Variants in NRDC observed in about 807,000 individuals in gnomAD.
NRDC encodes the protein nardilysin.
A neutral mutation model predicts 147.1 loss-of-function variants in NRDC; 54 were observed. That is an observed-to-expected ratio of 0.37 (90% CI 0.29 to 0.46). The LOEUF (loss-of-function observed/expected upper bound fraction) is 0.46. NRDC is among the 20% of genes least tolerant of loss of function. The pLI is 1.00. For missense variants in NRDC, 1,082 were observed against 1,370.6 expected (o/e 0.79, Z 3.33); for synonymous variants, 440 against 482.1 (o/e 0.91, Z 1.14).
rs1680142955 is a variant in NRDC at position 51,820,012 on chromosome 1, A to T, written c.1218-139T>A. 5 of 643,884 alleles carry T rather than the reference A, an allele frequency of 7.8e-6. No individual in the cohort carries two copies. In the East Asian group the frequency reaches 1.4e-4, roughly 18 times the overall value. 39.9% of individuals were successfully genotyped at this position (643,884 alleles called of 1,614,324 possible). On this transcript the variant is annotated intron_variant, in intron 8 of 30. Transcript: ENST00000352171. ...GAAAGCATTCCAGGCATGAACAAAT[A>T]GATGGCAACACAGCCACAAAATCTT...
At position 51,871,007 on chromosome 1, in the gene NRDC, A is replaced by G. The variant is rs115309143; in HGVS notation, c.341+7268T>C. 7.8e-3 allele frequency among the ~76,000 whole-genome samples: 1,181 copies of G among 152,046 alleles called. 15 individuals carry two copies. Among genetic ancestry groups the G allele is most frequent in the African/African-American group, 0.027 (1,137 of 41,454 alleles). On this transcript the variant is annotated intron_variant, in intron 1 of 30. Transcript: ENST00000352171. The stretch of plus-strand genomic sequence containing the variant: ...TCCCCTTTAAAACCAAACAATGTGT[A>G]CCTCATCATTCAAAATTTCTCACTC...
At chr1:51,789,867 AAG>A (rs1157990788) in intron 29 of NRDC, 13 of 574,060 alleles carry the variant, frequency 2.3e-5, no homozygotes, top group Non-Finnish European at 4.1e-5. Context: ...CTACAATGGC[AAG>A]AGAGGTTAGC....
chr1:51,802,929 G>C (rs1251558928), intron 20 of NRDC, among the ~76,000 whole-genome samples: 1 of 152,044 alleles, frequency 6.6e-6, no homozygotes, highest in Non-Finnish European at 1.5e-5. Flanking sequence ...CTGGTATTCA[G>C]TAATCTAACT....
At chr1:51,797,520 C>G (rs1448745083) in intron 22 of NRDC, among the ~76,000 whole-genome samples, 1 of 152,158 alleles carries the variant, frequency 6.6e-6, no homozygotes, top group African/African-American at 2.4e-5. Flanking sequence ...GGATAAAGCC[C>G]AGCACCTTAG....
At position 51,794,416 on chromosome 1, in the gene NRDC, G is replaced by A. The variant is rs1169286102; in HGVS notation, c.2775+56C>T. 4 of 1,571,918 alleles carry A rather than the reference G, an allele frequency of 2.5e-6. No homozygotes were observed. The Admixed American group carries it at 5.1e-5, about 20-fold the overall frequency. The stretch of plus-strand genomic sequence containing the variant: ...TATAAAAGGGCCTTGAAGGTCACGG[G>A]GTCCCTGATCCCCAGGCACTGGGCC... On this transcript the variant is annotated intron_variant, in intron 24 of 30. Coordinates refer to ENST00000352171, the MANE Select transcript of NRDC (RefSeq NM_001101662.2).
intron 10 of NRDC, among the ~76,000 whole-genome samples, chr1:51,817,742 G>A (rs370500097): frequency 2.6e-4 from 40 of 152,214 alleles, no homozygotes; most frequent in East Asian, 1.2e-3. Context: ...ACAGGGTTTC[G>A]CTATGTTGGC....
chr1:51,805,643 A>AT (rs1028308242), intron 18 of NRDC, 82 bp from the exon 19 acceptor site: 3 of 806,754 alleles, frequency 3.7e-6, no homozygotes, highest in Admixed American at 3.0e-5. Flanking sequence ...TAATATATAT[A>AT]TTTTTTAAAT....
At chr1:51,815,504 A>G (rs1322965158) in intron 11 of NRDC, among the ~76,000 whole-genome samples, 2 of 152,208 alleles carry the variant, frequency 1.3e-5, no homozygotes, top group East Asian at 1.9e-4. Context: ...AAGAGAGGAC[A>G]CCAGAATAGA....
intron 10 of NRDC, among the ~76,000 whole-genome samples, chr1:51,817,779 CTTTATT>C (rs938316888): frequency 1.3e-5 from 2 of 152,162 alleles, no homozygotes; most frequent in African/African-American, 4.8e-5. Flanking sequence ...AATTATTTAA[CTTTATT>C]TTTGACAAGA....
chr1:51,814,835 AC>A (rs1679884862), intron 11 of NRDC, 22 bp from the exon 12 acceptor site: 1 of 1,553,716 alleles, frequency 6.4e-7, no homozygotes, highest in Admixed American at 2.1e-5. Context: ...GAAAAAATTA[AC>A]CCAATCAATG....
At chr1:51,821,129 C>CA (rs1680190354) in intron 8 of NRDC, among the ~76,000 whole-genome samples, 4 of 151,978 alleles carry the variant, frequency 2.6e-5, no homozygotes, top group African/African-American at 9.7e-5. Flanking sequence ...TTAAAAAAAA[C>CA]AAATTTTCAG....
intron 20 of NRDC, chr1:51,800,943 CT>C: frequency 3.1e-6 from 1 of 319,518 alleles, no homozygotes; most frequent in Non-Finnish European, 5.8e-6. Context: ...TGCCTAGGCT[CT>C]AGCCATACTC....
At chr1:51,792,842 C>T (rs897804063) in intron 24 of NRDC, among the ~76,000 whole-genome samples, 2 of 152,216 alleles carry the variant, frequency 1.3e-5, no homozygotes, top group African/African-American at 4.8e-5. Flanking sequence ...CAACAAGAAC[C>T]AGTGCCACAT....
chr1:51,825,471 G>T (rs986887298), intron 5 of NRDC, 89 bp from the exon 6 acceptor site: 4 of 1,008,552 alleles, frequency 4.0e-6, no homozygotes, highest in Non-Finnish European at 4.4e-6. Context: ...AGAAAGCAAG[G>T]AATTAACAAA....
intron 11 of NRDC, among the ~76,000 whole-genome samples, chr1:51,815,175 TTTTTTTC>T (rs942931066): frequency 4.0e-4 from 13 of 32,856 alleles, no homozygotes; most frequent in African/African-American, 9.2e-4. Flanking sequence ...TTTGCTTACC[TTTTTTTC>T]TTTTTTTTTT....
At chr1:51,803,331 T>C (rs1679294304) in intron 20 of NRDC, among the ~76,000 whole-genome samples, 1 of 152,064 alleles carries the variant, frequency 6.6e-6, no homozygotes, top group South Asian at 2.1e-4. Flanking sequence ...AAAAATTAGC[T>C]GGGTGTGGTG....
chr1:51,810,553 C>A (rs569041152), intron 15 of NRDC, 149 bp from the exon 16 acceptor site: 2 of 641,846 alleles, frequency 3.1e-6, no homozygotes, highest in Admixed American at 3.7e-5. Flanking sequence ...TTTACAAAGT[C>A]TCAACAGTGT....
At chr1:51,864,142 T>C (rs1390589627) in intron 1 of NRDC, among the ~76,000 whole-genome samples, 6 of 152,204 alleles carry the variant, frequency 3.9e-5, no homozygotes, top group Admixed American at 6.5e-5. Context: ...TATCACTTTT[T>C]TGCACCATGG....
intron 22 of NRDC, chr1:51,795,539 G>A (rs1398303432): frequency 5.5e-6 from 1 of 182,142 alleles, no homozygotes; most frequent in African/African-American, 2.3e-5. Context: ...GAGGATAGCA[G>A]CCACAATTTC....
Sources: allele counts gnomAD v4.1 joint callset (sites outside exome capture counted in the v4.1 genomes callset), GRCh38; gene constraint gnomAD v4.1.1; transcripts MANE v1.5; gene names NCBI Gene and HGNC (gene_info 2026-07-23, HGNC 2026-07-21).